TFAP2E: variants seen among roughly 807,000 people sequenced by gnomAD.
The protein encoded by TFAP2E is transcription factor AP-2-epsilon.
A neutral mutation model predicts 37.9 loss-of-function variants in TFAP2E; 30 were observed. The observed-to-expected ratio is 0.79, with a 90% CI of 0.59 to 1.07. The LOEUF is 1.07. Ranked by LOEUF, TFAP2E falls within the 50% of genes least tolerant of loss-of-function variation. TFAP2E has a pLI of 0.00. For missense variants in TFAP2E, 567 were observed against 637.9 expected, an observed-to-expected ratio of 0.89 and a Z score of 1.20; for synonymous variants, 318 against 295.8, an observed-to-expected ratio of 1.08 and a Z score of -0.77.
intron 6 of TFAP2E, among the ~76,000 whole-genome samples, chr1:35,591,557 A>C (rs1327086050): frequency 6.6e-6 from 1 of 151,360 alleles, no homozygotes; most frequent in Non-Finnish European, 1.5e-5. Flanking sequence ...CCTGTTTCCA[A>C]CCTCCCTGCA....
Position 35,577,281 on chromosome 1 carries a change from C to T in TFAP2E, c.562+2281C>T. On this transcript the variant is annotated intron_variant, in intron 3 of 6. Transcript: ENST00000373235. The surrounding 1 kb of genome is among the most constrained non-coding windows in gnomAD (Gnocchi z 6.3). ...TGGGCTCCTTGCTCCCTGGAGCCGC[C>T]CCTCCCCACACCTGCCCTCGGCGCC... 2.3e-6 allele frequency: 1 copy of T among 432,442 alleles called. No homozygotes were observed. The highest frequency in any genetic ancestry group is 4.7e-6 in the Non-Finnish European group (1 of 212,762). 26.8% of individuals were successfully genotyped at this position (432,442 alleles called of 1,614,324 possible).
chr1:35,580,668 G>A (rs775913879), intron 3 of TFAP2E, among the ~76,000 whole-genome samples: 4 of 151,646 alleles, frequency 2.6e-5, no homozygotes, highest in Non-Finnish European at 5.9e-5. Flanking sequence ...CCAGCTACTC[G>A]GGAGGCTGAG....
At chr1:35,576,858 C>G (rs1256908491) in intron 3 of TFAP2E, among the ~76,000 whole-genome samples, 1 of 152,158 alleles carries the variant, frequency 6.6e-6, no homozygotes, top group Non-Finnish European at 1.5e-5. Flanking sequence ...TGGAGCGGGG[C>G]GGGACGCGGC....
At chr1:35,589,227 T>TGTGC (rs1427139768) in intron 4 of TFAP2E, among the ~76,000 whole-genome samples, 9 of 147,402 alleles carry the variant, frequency 6.1e-5, no homozygotes, top group Non-Finnish European at 1.3e-4. Context: ...TGTGTGTGTG[T>TGTGC]GTGTGTGTGA....
intron 4 of TFAP2E, among the ~76,000 whole-genome samples, chr1:35,589,200 G>C (rs1649580630): frequency 7.0e-6 from 1 of 142,752 alleles, no homozygotes; most frequent in South Asian, 2.3e-4. Flanking sequence ...GTGTGTGTGT[G>C]TGTGTGTGTG....
Position 35,590,589 on chromosome 1 carries a change from G to T in TFAP2E, c.905-45G>T. 1 of 1,419,236 alleles carries T rather than the reference G, an allele frequency of 7.0e-7. No individual in the cohort carries two copies. The highest frequency in any genetic ancestry group is 9.3e-7 in the Non-Finnish European group (1 of 1,075,828). The allele number at this position is 1,419,236 out of a possible 1,614,324, so 87.9% of individuals were successfully genotyped here. Reference sequence around the variant, plus strand: ...TCAGAGGTTCAAAGCTGTGTTCCAGGCGCAGAGGTACACCCTGCAGTAGTG... The same window carrying T: ...TCAGAGGTTCAAAGCTGTGTTCCAGTCGCAGAGGTACACCCTGCAGTAGTG... On this transcript the variant is annotated intron_variant, in intron 5 of 6. Coordinates refer to ENST00000373235, the MANE Select transcript of TFAP2E (RefSeq NM_178548.4). This position sits in a 1 kb window ranked among gnomAD's most constrained non-coding sequence, Gnocchi z 6.2.
At position 35,574,200 on chromosome 1, in the gene TFAP2E, GCCGCGCCCCGCGCAGCCGC is replaced by G; in HGVS notation, c.310_328del (p.Arg104ThrfsTer68). ...GCCGCAGCCTCCTCAGGCCGCCTGG[GCCGCGCCCCGCGCAGCCGC>G]CCGCGCCCACGAGGAGCCTCCCGGC... On this transcript the variant is annotated frameshift_variant, in exon 2 of 7. Transcript: ENST00000373235. LOFTEE classifies it high-confidence loss of function. The G allele has an allele frequency of 7.8e-7, 1 of 1,287,528 alleles. No individual in the cohort carries two copies. Among genetic ancestry groups the G allele is most frequent in the Non-Finnish European group, 9.8e-7 (1 of 1,017,510 alleles). 79.8% of individuals were successfully genotyped at this position (1,287,528 alleles called of 1,614,324 possible).
rs895176730 is a variant in TFAP2E at position 35,588,075 on chromosome 1, C to T, written c.563-255C>T. 6.6e-6 allele frequency among the ~76,000 whole-genome samples: 1 copy of T among 152,184 alleles called. No homozygotes were observed. The highest frequency in any genetic ancestry group is 2.4e-5 in the African/African-American group (1 of 41,430). ...CCCTCTCTGATGGCATCCGCTAAAA[C>T]ACCAAGATTCCGCTGGAGCTGTTTG... On this transcript the variant is annotated intron_variant, in intron 3 of 6. Transcript: ENST00000373235. This position sits in a 1 kb window ranked among gnomAD's most constrained non-coding sequence, Gnocchi z 5.1.
In TFAP2E at chr1:35,594,929, AG is replaced by A. The variant is rs776278926; in HGVS notation, c.*256del. 1.2e-3 allele frequency: 683 copies of A among 556,892 alleles called. No homozygotes were observed. The highest frequency in any genetic ancestry group is 1.9e-3 in the Non-Finnish European group (593 of 316,956). 34.5% of individuals were successfully genotyped at this position (556,892 alleles called of 1,614,324 possible). A position where few individuals can be genotyped will look rare whatever the true frequency, so the allele number is the denominator to read the frequency against. ...ATTTTCTGACCTTTGATGGTTGAGA[AG>A]GGTTTGGACAGAAAATTGACATGAA... On this transcript the variant is annotated 3_prime_UTR_variant, in exon 7 of 7. Transcript: ENST00000373235.
intron 3 of TFAP2E, among the ~76,000 whole-genome samples, chr1:35,583,940 C>A (rs1382166179): frequency 1.3e-5 from 2 of 152,152 alleles, no homozygotes; most frequent in African/African-American, 4.8e-5. Flanking sequence ...GCAATGTCAT[C>A]TCTGCCCTTA....
In TFAP2E at chr1:35,577,258, G is replaced by A. The variant is rs1244000781; in HGVS notation, c.562+2258G>A. The stretch of plus-strand genomic sequence containing the variant: ...GGCAGCTGCGGCGGCGAGGCAGGTG[G>A]GCTCCTTGCTCCCTGGAGCCGCCCC... On this transcript the variant is annotated intron_variant, in intron 3 of 6. Transcript: ENST00000373235. This position sits in a 1 kb window ranked among gnomAD's most constrained non-coding sequence, Gnocchi z 6.3. 2 of 405,438 alleles carry A rather than the reference G, an allele frequency of 4.9e-6. No individual in the cohort carries two copies. The highest frequency in any genetic ancestry group is 5.0e-6 in the Non-Finnish European group (1 of 199,822). The allele number at this position is 405,438 out of a possible 1,614,324, so 25.1% of individuals were successfully genotyped here. A position where few individuals can be genotyped will look rare whatever the true frequency, so the allele number is the denominator to read the frequency against.
intron 3 of TFAP2E, among the ~76,000 whole-genome samples, chr1:35,579,551 C>G (rs975655475): frequency 6.6e-6 from 1 of 151,938 alleles, no homozygotes; most frequent in Non-Finnish European, 1.5e-5. Flanking sequence ...CCTGTCACCA[C>G]GCCCAGCTAA....
At chr1:35,592,025 C>T (rs1649702082) in intron 6 of TFAP2E, among the ~76,000 whole-genome samples, 1 of 152,138 alleles carries the variant, frequency 6.6e-6, no homozygotes, top group South Asian at 2.1e-4. Context: ...AGGTGGCTCA[C>T]ATCTGTAATC....
intron 3 of TFAP2E, 111 bp downstream of exon 3, chr1:35,575,111 C>A: frequency 7.3e-7 from 1 of 1,371,444 alleles, no homozygotes; most frequent in African/African-American, 1.4e-5. Flanking sequence ...GCTGGGTGTC[C>A]ACCAGGCACT....
chr1:35,590,733 CG>C lies in TFAP2E; in HGVS notation c.1009del (p.Glu337SerfsTer22). 7 of 1,533,606 alleles carry C rather than the reference CG, an allele frequency of 4.6e-6. No homozygotes were observed. The highest frequency in any genetic ancestry group is 2.4e-5 in the East Asian group (1 of 42,360). 95.0% of individuals were successfully genotyped at this position (1,533,606 alleles called of 1,614,324 possible). A position where few individuals can be genotyped will look rare whatever the true frequency, so the allele number is the denominator to read the frequency against. The part of the protein sequence containing the change: ...AEYLCRQHAD[P>X]GELHSRKSML... ...TACCTGTGCCGACAGCACGCTGACC[CG>C]GGGGAGCTGCACAGCCGCAAGAGCA... is the stretch of plus-strand genomic sequence containing the variant. On this transcript the variant is annotated frameshift_variant, in exon 6 of 7. Transcript: ENST00000373235. LOFTEE classifies it high-confidence loss of function. This position sits in a 1 kb window ranked among gnomAD's most constrained non-coding sequence, Gnocchi z 6.2.
intron 3 of TFAP2E, among the ~76,000 whole-genome samples, chr1:35,583,884 G>A (rs776295007): frequency 6.6e-6 from 1 of 152,116 alleles, no homozygotes; most frequent in Non-Finnish European, 1.5e-5. Flanking sequence ...AAAGGGACAG[G>A]TGGGGGAAGC....
intron 3 of TFAP2E, among the ~76,000 whole-genome samples, chr1:35,586,749 G>A (rs144129785): frequency 6.6e-6 from 1 of 152,254 alleles, no homozygotes; most frequent in African/African-American, 2.4e-5. Flanking sequence ...TTCTGGCTGG[G>A]CTGCTGGGTG....
intron 3 of TFAP2E, among the ~76,000 whole-genome samples, chr1:35,578,430 A>G (rs538944468): frequency 1.3e-5 from 2 of 148,626 alleles, no homozygotes; most frequent in African/African-American, 4.9e-5. Context: ...CCGTCTCGGA[A>G]AAAAAAAAAA....
chr1:35,589,895 T>C (rs1212813632), intron 4 of TFAP2E, 35 bp from the exon 5 acceptor site: 1 of 1,606,544 alleles, frequency 6.2e-7, no homozygotes, highest in East Asian at 2.2e-5. Flanking sequence ...CTTGTCTTCA[T>C]AGTTGTATGT....
Sources: allele counts gnomAD v4.1 joint callset (sites outside exome capture counted in the v4.1 genomes callset), GRCh38; gene constraint gnomAD v4.1.1; non-coding constraint Gnocchi (gnomAD v3.1); transcripts MANE v1.5; gene names NCBI Gene and HGNC (gene_info 2026-07-23, HGNC 2026-07-21).